The following ZNF106 variants were observed in gnomAD, a reference collection of about 807,000 sequenced individuals.
ZNF106 encodes the protein SH3-domain binding protein 3.
In ZNF106, 67 loss-of-function variants were observed where a neutral mutation model predicts 195.1. That is an observed-to-expected ratio of 0.34 (90% CI 0.28 to 0.42). The LOEUF (loss-of-function observed/expected upper bound fraction) is 0.42. ZNF106 is among the 10% of genes least tolerant of loss of function. ZNF106 has a pLI of 1.00. For synonymous variants in ZNF106, 784 were observed against 818.6 expected, an observed-to-expected ratio of 0.96 and a Z score of 0.72; for missense variants, 2,118 against 2,304.5, an observed-to-expected ratio of 0.92 and a Z score of 1.66.
chr15:42,481,380 CAG>C, intron 1 of ZNF106, among the ~76,000 whole-genome samples: 1 of 119,236 alleles, frequency 8.4e-6, no homozygotes, highest in Non-Finnish European at 1.7e-5. Context: ...TTTTTTGAGA[CAG>C]AGTCTTGCTC....
At chr15:42,477,125 C>A (rs952776712) in intron 1 of ZNF106, among the ~76,000 whole-genome samples, 6 of 152,032 alleles carry the variant, frequency 3.9e-5, no homozygotes, top group African/African-American at 1.4e-4. Flanking sequence ...TATTATTAAT[C>A]TTTTCAAAGA....
rs1021007133 is a variant in ZNF106, at chr15:42,414,501, CACAT to C, written c.*2799_*2802del. On this transcript the variant is annotated 3_prime_UTR_variant, in exon 22 of 22. Transcript: ENST00000564754. ...TGACAAACACAGGTTCCCACACGTACACATACATACAAAGGAACCTGCACACTTG... is the reference window on the plus strand; with the variant it reads ...TGACAAACACAGGTTCCCACACGTACACATACAAAGGAACCTGCACACTTG... The C allele has an allele frequency of 6.6e-6, 1 of 152,218 alleles. No homozygotes were observed. Among genetic ancestry groups the C allele is most frequent in the Non-Finnish European group, 1.5e-5 (1 of 68,046 alleles). The allele number at this position is 152,218 out of a possible 1,614,324, so 9.4% of individuals were successfully genotyped here. A position where few individuals can be genotyped will look rare whatever the true frequency, so the allele number is the denominator to read the frequency against.
chr15:42,453,689 G>A (rs966454316), intron 4 of ZNF106, among the ~76,000 whole-genome samples: 5 of 150,990 alleles, frequency 3.3e-5, no homozygotes, highest in Admixed American at 2.0e-4. Context: ...TCTGCCTCTC[G>A]AGTTCAAGCG....
In ZNF106 at chr15:42,437,375, T is replaced by C. The variant is rs904674160; in HGVS notation, c.4603A>G (p.Ile1535Val). 1.6e-5 allele frequency: 26 copies of C among 1,612,206 alleles called. No homozygotes were observed. In the African/African-American group the frequency reaches 3.1e-4, roughly 19 times the overall value. The change falls in exon 13 of 22, where the codon ATA becomes GTA. Residue 1535 changes from isoleucine (I) to valine (V), a missense_variant and splice_region_variant. Coordinates refer to ENST00000564754, the MANE Select transcript of ZNF106 (RefSeq NM_001366845.3). ...TCATCATCTCCTGGCTCTGAAGATA[T>C]TTCTGGAAAACAAGAATAGGTTTCA... is the stretch of plus-strand genomic sequence containing the variant. ...SIKGSKNSSE[I>V]SSEPGDDDEP...
At chr15:42,456,464 T>A (rs1161165870) in intron 4 of ZNF106, among the ~76,000 whole-genome samples, 1 of 151,998 alleles carries the variant, frequency 6.6e-6, no homozygotes, top group Non-Finnish European at 1.5e-5. Flanking sequence ...GCCTGGCTAA[T>A]GGGGTTAAAC....
intron 2 of ZNF106, among the ~76,000 whole-genome samples, chr15:42,469,372 A>T (rs1462821678): frequency 6.6e-6 from 1 of 152,186 alleles, no homozygotes; most frequent in Non-Finnish European, 1.5e-5. Context: ...TGACAAAAAA[A>T]CTGATTCTTC....
At chr15:42,459,475 CAAAAAGAAAAGAA>C (rs1253681060) in intron 3 of ZNF106, among the ~76,000 whole-genome samples, 2 of 151,696 alleles carry the variant, frequency 1.3e-5, no homozygotes, top group African/African-American at 4.8e-5. Context: ...GACTCCGTCT[CAAAAAGAAAAGAA>C]AAAAAGAAAA....
intron 16 of ZNF106, 138 bp downstream of exon 16, chr15:42,424,694 GGT>G: frequency 1.3e-6 from 1 of 778,390 alleles, no homozygotes; most frequent in Non-Finnish European, 2.0e-6. Context: ...TGCCCTGGCT[GGT>G]CTCGAACTTC....
Position 42,439,566 on chromosome 15 carries a change from C to T in ZNF106, c.4011G>A (p.Leu1337=), listed in dbSNP as rs762800461. 1 of 1,614,164 alleles carries T rather than the reference C, an allele frequency of 6.2e-7. No individual in the cohort carries two copies. Among genetic ancestry groups the T allele is most frequent in the South Asian group, 1.1e-5 (1 of 91,070 alleles). Residue 1337 remains leucine (L), a synonymous_variant, in exon 11 of 22, where the codon TTG becomes TTA. Transcript: ENST00000564754. ...SEACTSSFLR[L]SFASETPLEK... is the part of the protein sequence containing the mutation. ...CCAAAGGGGTTTCTGAAGCAAAAGA[C>T]AATCTTAGAAAAGAACTGGTACAGG...
At chr15:42,472,813 C>T (rs1182390375) in intron 1 of ZNF106, among the ~76,000 whole-genome samples, 1 of 151,986 alleles carries the variant, frequency 6.6e-6, no homozygotes, top group Non-Finnish European at 1.5e-5. Context: ...AGTTAGAGAC[C>T]AGCCTGGCCA....
chr15:42,426,938 A>T (rs1003148297), intron 15 of ZNF106, among the ~76,000 whole-genome samples: 1 of 152,180 alleles, frequency 6.6e-6, no homozygotes, highest in African/African-American at 2.4e-5. Context: ...TATACGTGCT[A>T]AATTCTTCTC....
rs749476933 is a variant in ZNF106 at position 42,451,010 on chromosome 15, C to T, written c.1262G>A (p.Arg421His). The change falls in exon 5 of 22, where the codon CGT (arginine) becomes CAT (histidine). Residue 421 changes from arginine to histidine, a missense_variant. Arg to His is a conservative substitution (Grantham distance 29). Transcript: ENST00000564754. ...GIQEPQTDET[R>H]NSPTQKTQKE... ...TTGTGTTTTCTGTGTTGGGGAATTA[C>T]GTGTTTCATCAGTTTGGGGCTCCTG... 76 of 1,614,016 alleles carry T rather than the reference C, an allele frequency of 4.7e-5. No homozygotes were observed. Among genetic ancestry groups the T allele is most frequent in the Non-Finnish European group, 5.9e-5 (70 of 1,180,024 alleles).
chr15:42,444,767 C>T, intron 8 of ZNF106, 60 bp downstream of exon 8: 1 of 1,592,106 alleles, frequency 6.3e-7, no homozygotes, highest in South Asian at 1.2e-5. Flanking sequence ...ATGGGTTTGG[C>T]AGCACAAAAC....
At chr15:42,455,546 CT>C (rs1173896886) in intron 4 of ZNF106, among the ~76,000 whole-genome samples, 1 of 151,968 alleles carries the variant, frequency 6.6e-6, no homozygotes, top group African/African-American at 2.4e-5. Flanking sequence ...GTTCAAAAAA[CT>C]TTTTTTTAAT....
chr15:42,419,929 A>G (rs1376249556), intron 20 of ZNF106, among the ~76,000 whole-genome samples: 1 of 152,212 alleles, frequency 6.6e-6, no homozygotes, highest in Non-Finnish European at 1.5e-5. Context: ...CAGCCTGGGC[A>G]ACAGAGTGAG....
At chr15:42,434,803 C>T (rs1385072352) in intron 14 of ZNF106, among the ~76,000 whole-genome samples, 16 of 140,110 alleles carry the variant, frequency 1.1e-4, no homozygotes, top group African/African-American at 3.3e-4. Context: ...GACGGAGCTT[C>T]GCTCTTGTTG....
Position 42,415,679 on chromosome 15 carries a change from C to G in ZNF106, c.*1625G>C, listed in dbSNP as rs2054429249. 4.4e-6 allele frequency: 1 copy of G among 228,896 alleles called. No individual in the cohort carries two copies. The highest frequency in any genetic ancestry group is 4.8e-5 in the South Asian group (1 of 21,052). The allele number at this position is 228,896 out of a possible 1,614,324, so 14.2% of individuals were successfully genotyped here. Reference sequence around the variant, plus strand: ...CCCAGAGAGCATGAGGCACCATGTCCCAAAGCTTGGTATGTGGCCCTGGGC... The same window carrying G: ...CCCAGAGAGCATGAGGCACCATGTCGCAAAGCTTGGTATGTGGCCCTGGGC... On this transcript the variant is annotated 3_prime_UTR_variant, in exon 22 of 22. Transcript: ENST00000564754.
At chr15:42,485,826 T>C (rs1799534841) in intron 1 of ZNF106, among the ~76,000 whole-genome samples, 1 of 152,240 alleles carries the variant, frequency 6.6e-6, no homozygotes, top group South Asian at 2.1e-4. Context: ...TTTAACCACA[T>C]GGTAGTAGCC....
chr15:42,485,898 G>T (rs2057002088), intron 1 of ZNF106, among the ~76,000 whole-genome samples: 1 of 151,800 alleles, frequency 6.6e-6, no homozygotes, highest in Non-Finnish European at 1.5e-5. Context: ...ACCACCAGTG[G>T]GACTGTGGTC....
Sources: gnomAD v4.1 joint callset for allele counts (sites outside exome capture counted in the v4.1 genomes callset) on GRCh38, gnomAD v4.1.1 for gene constraint, MANE v1.5 for transcripts, NCBI Gene and HGNC (gene_info 2026-07-23, HGNC 2026-07-21) for gene names.